Variants in RTN4 observed in about 807,000 individuals in gnomAD.
RTN4 encodes reticulon 4, also known as reticulon-4.
In RTN4, 32 loss-of-function variants were observed where a neutral mutation model predicts 90.4. The observed-to-expected ratio is 0.35, with a 90% confidence interval of 0.27 to 0.48. RTN4 has a LOEUF of 0.48. Among genes scored for constraint, RTN4 ranks in the 20% least tolerant of loss-of-function variants. The probability of loss-of-function intolerance (pLI) is 0.99; values close to 1 mark genes in which losing one functional copy is unlikely to be tolerated. For missense variants in RTN4, 1,706 were observed against 1,430.2 expected (o/e 1.19, Z -3.11); for synonymous variants, 629 against 552.5 (o/e 1.14, Z -1.94).
In RTN4 at chr2:55,049,844, G is replaced by A; in HGVS notation, c.457C>T (p.Pro153Ser). 1.5e-6 allele frequency: 2 copies of A among 1,315,968 alleles called. No individual in the cohort carries two copies. The highest frequency in any genetic ancestry group is 1.9e-6 in the Non-Finnish European group (2 of 1,036,084). The allele number at this position is 1,315,968 out of a possible 1,614,324, so 81.5% of individuals were successfully genotyped here. Residue 153 changes from proline to serine, a missense_variant, in exon 1 of 9, where the codon CCC becomes TCC. Transcript: ENST00000337526. ...GGGGTCCACACGGGCTCTGCCTGGG[G>A]GCTCACGCTGGCCGGGGGAGGAGGG... is the stretch of plus-strand genomic sequence containing the variant. Reference protein sequence around the residue: ...PPPPPPASVSPQAEPVWTPPA... With the variant: ...PPPPPPASVSSQAEPVWTPPA...
In RTN4 at chr2:55,074,689, A is replaced by T. The variant is rs56192835; in HGVS notation, c.-63+5800T>A. Among the ~76,000 whole-genome samples, 1,368 of 152,326 alleles carry T rather than the reference A, an allele frequency of 9.0e-3. 9 individuals carry two copies. The highest frequency in any genetic ancestry group is 0.016 in the Non-Finnish European group (1,075 of 68,034). ...ATACAAAAATCCTCAACAAAATACT[A>T]GTTTACCAAATCAAATGACATATCA... On this transcript the variant is annotated intron_variant, in intron 2 of 3. Transcript: ENST00000427710.
At position 55,025,936 on chromosome 2, in the gene RTN4, C is replaced by T. The variant is rs1386635389; in HGVS notation, c.2163G>A (p.Met721Ile). 1 of 1,612,552 alleles carries T rather than the reference C, an allele frequency of 6.2e-7. No individual in the cohort carries two copies. Among genetic ancestry groups the T allele is most frequent in the East Asian group, 2.2e-5 (1 of 44,876 alleles). Residue 721 changes from methionine (M) to isoleucine (I), a missense_variant, in exon 3 of 9, where the codon ATG becomes ATA. By Grantham distance (10) the Met-to-Ile change is conservative. Coordinates refer to ENST00000337526, the MANE Select transcript of RTN4 (RefSeq NM_020532.5). ...PAPDFSDYSEMAKVEQPVPDH... is the reference protein window; with the variant it reads ...PAPDFSDYSEIAKVEQPVPDH... ...CAGGCACTGGCTGTTCAACTTTTGC[C>T]ATTTCTGAATAATCAGAGAAATCCG...
intron 1 of RTN4, among the ~76,000 whole-genome samples, chr2:55,043,376 G>A (rs995416925): frequency 6.6e-6 from 1 of 152,118 alleles, no homozygotes; most frequent in Non-Finnish European, 1.5e-5. Context: ...CTTTTATCCT[G>A]GGCTAGCAAA....
At chr2:55,070,744 G>A (rs1668494172) in intron 2 of RTN4, among the ~76,000 whole-genome samples, 1 of 51,710 alleles carries the variant, frequency 1.9e-5, no homozygotes, top group Non-Finnish European at 3.7e-5. Context: ...CAGCTGTTTT[G>A]ATTTTTGTTG....
Position 55,027,282 on chromosome 2 carries a change from A to G in RTN4, c.817T>C (p.Ser273Pro). Residue 273 changes from serine (S) to proline (P), a missense_variant, in exon 3 of 9, where the codon TCT becomes CCT. By Grantham distance (74) the Ser-to-Pro change is moderately conservative. Coordinates refer to ENST00000337526, the MANE Select transcript of RTN4 (RefSeq NM_020532.5). Reference sequence around the variant, plus strand: ...TTTGCCTTCTCTGAGACCTCTTTAGAAGCTTCACTGACATTTTCTTGAAGT... The same window carrying G: ...TTTGCCTTCTCTGAGACCTCTTTAGGAGCTTCACTGACATTTTCTTGAAGT... ...GTLQENVSEA[S>P]KEVSEKAKTL... 6.2e-7 allele frequency: 1 copy of G among 1,613,734 alleles called. No individual in the cohort carries two copies. The highest frequency in any genetic ancestry group is 8.5e-7 in the Non-Finnish European group (1 of 1,179,778).
chr2:54,985,190 C>T (rs940860797), intron 4 of RTN4, among the ~76,000 whole-genome samples: 2 of 84,532 alleles, frequency 2.4e-5, no homozygotes, highest in South Asian at 4.2e-4. Flanking sequence ...GAAAGAGTCT[C>T]GTTCTATTGC....
chr2:55,046,914 A>G (rs535786557), intron 1 of RTN4: 1 of 152,242 alleles, frequency 6.6e-6, no homozygotes, highest in Non-Finnish European at 1.5e-5. Context: ...CAACCTCAGC[A>G]TTCCAACACA....
chr2:55,095,513 TTTTTC>T (rs903785942), intron 1 of RTN4, among the ~76,000 whole-genome samples: 7 of 152,138 alleles, frequency 4.6e-5, no homozygotes, highest in South Asian at 2.1e-4. Flanking sequence ...TATTCAGATT[TTTTTC>T]TTTTCTTTCA....
chr2:55,013,614 G>C (rs866092812), intron 3 of RTN4, among the ~76,000 whole-genome samples: 11 of 124,924 alleles, frequency 8.8e-5, no homozygotes, highest in South Asian at 3.2e-4. Context: ...TTTTTGGGGG[G>C]GGGGGAGGGT....
rs138749220 is a variant in RTN4, at chr2:55,028,020, C to T, written c.613+144G>A. The T allele has an allele frequency of 3.0e-5, 19 of 643,404 alleles. No homozygotes were observed. In the East Asian group the frequency reaches 5.2e-4, roughly 18 times the overall value. 39.9% of individuals were successfully genotyped at this position (643,404 alleles called of 1,614,324 possible). The stretch of plus-strand genomic sequence containing the variant: ...TCCCTTGGGCATACCATATAAAATG[C>T]ACATTTCAACTTTTCCAGTAGACAA... On this transcript the variant is annotated intron_variant, in intron 2 of 8. Transcript: ENST00000337526.
At chr2:55,099,282 A>G (rs1162045509) in intron 1 of RTN4, among the ~76,000 whole-genome samples, 1 of 152,112 alleles carries the variant, frequency 6.6e-6, no homozygotes, top group African/African-American at 2.4e-5. Context: ...CAGTTTTTTG[A>G]GCATCATTAT....
chr2:55,040,192 A>C (rs1682977216), intron 1 of RTN4, among the ~76,000 whole-genome samples: 1 of 152,190 alleles, frequency 6.6e-6, no homozygotes, highest in Non-Finnish European at 1.5e-5. Context: ...GCATCTAACA[A>C]AGTTTTTATC....
chr2:54,982,464 C>G (rs950113099), intron 5 of RTN4, 51 bp downstream of exon 5: 1 of 1,513,008 alleles, frequency 6.6e-7, no homozygotes, highest in African/African-American at 1.4e-5. Context: ...ACTCAACTCT[C>G]TTGATACTAA....
chr2:55,004,457 G>A (rs1025507697), intron 3 of RTN4, among the ~76,000 whole-genome samples: 13 of 152,210 alleles, frequency 8.5e-5, no homozygotes, highest in African/African-American at 2.6e-4. Flanking sequence ...AGTAAAACAG[G>A]AAAGTTGGAA....
chr2:55,049,646 C>A, intron 1 of RTN4, 99 bp downstream of exon 1: 2 of 1,525,842 alleles, frequency 1.3e-6, no homozygotes, highest in Non-Finnish European at 1.8e-6. Flanking sequence ...AAAGCGCCCT[C>A]GGGGCGGAGA....
At chr2:55,121,735 C>G in the RTN4 span, among the ~76,000 whole-genome samples, 2 of 152,030 alleles carry the variant, frequency 1.3e-5, no homozygotes, top group African/African-American at 4.8e-5. Context: ...AGTGAGGTAC[C>G]AAGGGGACTT....
At chr2:55,073,746 C>T (rs1055600903) in intron 2 of RTN4, among the ~76,000 whole-genome samples, 7 of 152,218 alleles carry the variant, frequency 4.6e-5, no homozygotes, top group African/African-American at 1.7e-4. Context: ...AAATTTCAAT[C>T]TAACAGCTTG....
At chr2:54,974,573 G>A (rs552641998) in intron 6 of RTN4, 122 bp downstream of exon 6, 56 of 830,316 alleles carry the variant, frequency 6.7e-5, no homozygotes, top group Non-Finnish European at 9.0e-5. Flanking sequence ...GAGCTACCGC[G>A]CCCGGCCCAC....
chr2:55,019,588 A>C, intron 3 of RTN4, among the ~76,000 whole-genome samples: 1 of 152,180 alleles, frequency 6.6e-6, no homozygotes, highest in Non-Finnish European at 1.5e-5. Context: ...CCTCAAATTA[A>C]TCACTAGGAA....
Sources: gnomAD v4.1 joint callset for allele counts (sites outside exome capture counted in the v4.1 genomes callset) on GRCh38, gnomAD v4.1.1 for gene constraint, MANE v1.5 for transcripts, NCBI Gene and HGNC (gene_info 2026-07-23, HGNC 2026-07-21) for gene names.